Variants in KCNB2 observed in about 807,000 individuals in gnomAD.
The protein encoded by KCNB2 is potassium voltage-gated channel subfamily B member 2.
KCNB2 carries 15 observed loss-of-function variants against 61.5 expected under a neutral mutation model. The ratio of observed to expected loss-of-function variants is 0.24; its 90% CI spans 0.16 to 0.38. The LOEUF (loss-of-function observed/expected upper bound fraction) is 0.38, where lower values mean the gene tolerates loss of function less well. Among genes scored for constraint, KCNB2 ranks in the 10% least tolerant of loss-of-function variants. The probability of loss-of-function intolerance (pLI) is 1.00; values close to 1 mark genes in which losing one functional copy is unlikely to be tolerated. For missense variants in KCNB2, 828 were observed against 1,125.2 expected (o/e 0.74, Z 3.78); for synonymous variants, 457 against 446.0 (o/e 1.02, Z -0.31).
chr8:72,937,386 C>G lies in KCNB2; in HGVS notation c.2031C>G (p.Asn677Lys), dbSNP rs749309476. ...ATGCCCCAGTTGACATAACTGTGAACCTCGATGCCAGTGGCTCCCAGTGTG... is the reference window on the plus strand; with the variant it reads ...ATGCCCCAGTTGACATAACTGTGAAGCTCGATGCCAGTGGCTCCCAGTGTG... Reference protein sequence around the residue: ...LEYAPVDITVNLDASGSQCGL... With the variant: ...LEYAPVDITVKLDASGSQCGL... Residue 677 changes from asparagine (N) to lysine (K), a missense_variant, in exon 3 of 3, where the codon AAC becomes AAG. Asn to Lys is a moderately conservative substitution (Grantham distance 94). This residue lies in a region of KCNB2 where 559 missense variants were observed against 588.4 expected (regional missense o/e 0.95). Transcript: ENST00000523207. 3 of 1,613,938 alleles carry G rather than the reference C, an allele frequency of 1.9e-6. No individual in the cohort carries two copies. The highest frequency in any genetic ancestry group is 2.5e-6 in the Non-Finnish European group (3 of 1,180,032).
At chr8:72,602,235 C>G (rs1805364390) in intron 2 of KCNB2, among the ~76,000 whole-genome samples, 1 of 152,138 alleles carries the variant, frequency 6.6e-6, no homozygotes. Flanking sequence ...CTCAGAACAT[C>G]AGAATCAGTC....
At chr8:72,801,552 T>C (rs567724134) in intron 2 of KCNB2, among the ~76,000 whole-genome samples, 18 of 152,306 alleles carry the variant, frequency 1.2e-4, no homozygotes, top group Admixed American at 1.0e-3. Flanking sequence ...TCAAAATACA[T>C]TTATTGAGTG....
In KCNB2 at chr8:72,921,698, T is replaced by C. The variant is rs138744808; in HGVS notation, c.580-14237T>C. On this transcript the variant is annotated intron_variant, in intron 2 of 2. Transcript: ENST00000523207. Reference sequence around the variant, plus strand: ...TCCCGTATTCCACTGGTGTAAGTGATTTTTACAGCTTCTGGGACCACATGT... The same window carrying C: ...TCCCGTATTCCACTGGTGTAAGTGACTTTTACAGCTTCTGGGACCACATGT... 1.4e-4 allele frequency among the ~76,000 whole-genome samples: 21 copies of C among 152,326 alleles called. No individual in the cohort carries two copies. The East Asian group carries it at 3.7e-3, about 27-fold the overall frequency.
chr8:72,873,300 G>A (rs1450012808), intron 2 of KCNB2, among the ~76,000 whole-genome samples: 2 of 152,206 alleles, frequency 1.3e-5, no homozygotes, highest in Admixed American at 6.5e-5. Context: ...CGGCAAGGCA[G>A]TACACAAATG....
intron 2 of KCNB2, among the ~76,000 whole-genome samples, chr8:72,593,163 G>T (rs1355208354): frequency 3.3e-5 from 5 of 152,204 alleles, no homozygotes; most frequent in South Asian, 2.1e-4. Context: ...ACTATATTTA[G>T]TATTCATGAT....
At chr8:72,605,688 T>C (rs962769987) in intron 2 of KCNB2, among the ~76,000 whole-genome samples, 1 of 152,222 alleles carries the variant, frequency 6.6e-6, no homozygotes, top group Admixed American at 6.5e-5. Flanking sequence ...CCCAGACCAA[T>C]TTCATTGGAA....
chr8:72,561,791 A>ATG (rs1806540104), intron 1 of KCNB2, among the ~76,000 whole-genome samples: 1 of 79,792 alleles, frequency 1.3e-5, no homozygotes, highest in Admixed American at 1.4e-4. Flanking sequence ...ATATATATAC[A>ATG]TATATATATA....
intron 2 of KCNB2, chr8:72,875,048 G>GA (rs1461251187): frequency 6.6e-6 from 1 of 151,928 alleles, no homozygotes; most frequent in Non-Finnish European, 1.5e-5. Flanking sequence ...TTTGTCAGGG[G>GA]AGCTGAAGAA....
At chr8:72,824,093 A>T (rs1809556780) in intron 2 of KCNB2, among the ~76,000 whole-genome samples, 1 of 152,106 alleles carries the variant, frequency 6.6e-6, no homozygotes, top group Non-Finnish European at 1.5e-5. Context: ...ACTCAGAGGG[A>T]GCTATTTCAT....
chr8:72,868,058 T>G (rs1429216571), intron 2 of KCNB2, among the ~76,000 whole-genome samples: 14 of 104,924 alleles, frequency 1.3e-4, no homozygotes, highest in African/African-American at 1.9e-4. Flanking sequence ...GATTTTGGGT[T>G]TTTTTTTTTA....
At chr8:72,932,929 T>C (rs1359481878) in intron 2 of KCNB2, among the ~76,000 whole-genome samples, 1 of 152,230 alleles carries the variant, frequency 6.6e-6, no homozygotes, top group Non-Finnish European at 1.5e-5. Context: ...ATCATTTATC[T>C]AAAGTGCTGT....
chr8:72,766,139 G>A (rs1027904542), intron 2 of KCNB2, among the ~76,000 whole-genome samples: 3 of 152,086 alleles, frequency 2.0e-5, no homozygotes. Context: ...CCTTTGAACT[G>A]CCCTGTGATG....
chr8:72,675,717 C>A (rs905478020), intron 2 of KCNB2, among the ~76,000 whole-genome samples: 1 of 152,004 alleles, frequency 6.6e-6, no homozygotes, highest in African/African-American at 2.4e-5. Flanking sequence ...CCACACTCGG[C>A]TGATTTTTGT....
Position 72,561,793 on chromosome 8 carries a change from A to G in KCNB2, c.-93-5849A>G, listed in dbSNP as rs532764477. Among the ~76,000 whole-genome samples, 285 of 88,980 alleles carry G rather than the reference A, an allele frequency of 3.2e-3. 29 individuals carry two copies. The highest frequency in any genetic ancestry group is 0.011 in the African/African-American group (240 of 21,250). The allele number at this position is 88,980 out of a possible 152,430, so 58.4% of individuals were successfully genotyped here. A position where few individuals can be genotyped will look rare whatever the true frequency, so the allele number is the denominator to read the frequency against. On this transcript the variant is annotated intron_variant, in intron 1 of 2. Transcript: ENST00000523207. ...TATATATATGGATATATATATACATATATATATATATGAATGATAGTTTTT... is the reference window on the plus strand; with the variant it reads ...TATATATATGGATATATATATACATGTATATATATATGAATGATAGTTTTT...
At chr8:72,810,625 A>T (rs1004906419) in intron 2 of KCNB2, among the ~76,000 whole-genome samples, 1 of 152,236 alleles carries the variant, frequency 6.6e-6, no homozygotes, top group Non-Finnish European at 1.5e-5. Flanking sequence ...TGTTAATTTT[A>T]TAGTATAGCT....
In KCNB2 at chr8:72,790,899, G is replaced by A. The variant is rs904588313; in HGVS notation, c.580-145036G>A. Among the ~76,000 whole-genome samples the A allele has an allele frequency of 1.3e-5, 2 of 152,098 alleles. 1 individual carries two copies. On this transcript the variant is annotated intron_variant, in intron 2 of 2. Transcript: ENST00000523207. Reference sequence around the variant, plus strand: ...GAATGCTTTCATATACTCTTTCTCTGTTGGTTTTCATTCAAACATATTCTA... The same window carrying A: ...GAATGCTTTCATATACTCTTTCTCTATTGGTTTTCATTCAAACATATTCTA...
chr8:72,586,892 AG>A (rs1364213883), intron 2 of KCNB2, among the ~76,000 whole-genome samples: 2 of 152,186 alleles, frequency 1.3e-5, no homozygotes, highest in African/African-American at 2.4e-5. Flanking sequence ...TCAATTTCCT[AG>A]CCATCAGGAA....
intron 2 of KCNB2, among the ~76,000 whole-genome samples, chr8:72,865,160 T>C (rs191682891): frequency 4.6e-5 from 7 of 152,272 alleles, no homozygotes; most frequent in Non-Finnish European, 8.8e-5. Context: ...TTGGCTGAGT[T>C]GTAGCCATAA....
chr8:72,828,659 C>A (rs146874405), intron 2 of KCNB2, among the ~76,000 whole-genome samples: 1 of 152,248 alleles, frequency 6.6e-6, no homozygotes, highest in Non-Finnish European at 1.5e-5. Flanking sequence ...AAAATATATT[C>A]TATTCTATAG....
Sources: gnomAD v4.1 joint callset for allele counts (sites outside exome capture counted in the v4.1 genomes callset) on GRCh38, gnomAD v4.1.1 for gene constraint, gnomAD v4.1.1 regional missense constraint, MANE v1.5 for transcripts, NCBI Gene and HGNC (gene_info 2026-07-23, HGNC 2026-07-21) for gene names.